The following ST7 variants were observed in gnomAD, a reference collection of about 807,000 sequenced individuals.
ST7 encodes suppression of tumorigenicity 7.
Under a neutral mutation model 78.7 loss-of-function variants are expected in ST7, and 28 were observed. The observed-to-expected ratio is 0.36, with a 90% CI of 0.26 to 0.49. The LOEUF (loss-of-function observed/expected upper bound fraction) is 0.49, where lower values mean the gene tolerates loss of function less well. Among genes scored for constraint, ST7 ranks in the 20% least tolerant of loss-of-function variants. The pLI is 0.99. For missense variants in ST7, 418 were observed against 696.0 expected, an observed-to-expected ratio of 0.60 and a Z score of 4.49; for synonymous variants, 247 against 249.6, an observed-to-expected ratio of 0.99 and a Z score of 0.10.
At chr7:117,145,830 A>C (rs990650971) in intron 9 of ST7, among the ~76,000 whole-genome samples, 1 of 152,208 alleles carries the variant, frequency 6.6e-6, no homozygotes, top group Non-Finnish European at 1.5e-5. Context: ...CTTCACTGCT[A>C]TATCAGGTCA....
intron 1 of ST7, among the ~76,000 whole-genome samples, chr7:117,083,422 A>AT (rs928026303): frequency 6.6e-6 from 1 of 151,706 alleles, no homozygotes; most frequent in African/African-American, 2.4e-5. Context: ...TGCCCAGCTA[A>AT]TTTTTTTGTA....
intron 1 of ST7, among the ~76,000 whole-genome samples, chr7:117,087,932 G>A (rs539668384): frequency 7.2e-5 from 11 of 152,288 alleles, no homozygotes; most frequent in African/African-American, 2.6e-4. Context: ...TACCAGATGT[G>A]TCTGTCTTTG....
At chr7:117,192,952 C>A (rs1441110284) in intron 12 of ST7, among the ~76,000 whole-genome samples, 7 of 152,100 alleles carry the variant, frequency 4.6e-5, no homozygotes, top group Non-Finnish European at 8.8e-5. Context: ...GGGTAAACTA[C>A]CTGGGTAAAC....
intron 1 of ST7, among the ~76,000 whole-genome samples, chr7:117,019,581 T>C (rs1471383166): frequency 6.6e-6 from 1 of 152,218 alleles, no homozygotes; most frequent in African/African-American, 2.4e-5. Context: ...GAAATACATG[T>C]ATGTAAATAT....
intron 10 of ST7, among the ~76,000 whole-genome samples, chr7:117,183,560 C>T (rs1808964750): frequency 1.3e-5 from 2 of 152,224 alleles, no homozygotes; most frequent in South Asian, 2.1e-4. Context: ...AACAGAACTT[C>T]CTGAAATCTT....
At chr7:117,114,382 A>G (rs1288556071) in intron 2 of ST7, among the ~76,000 whole-genome samples, 1 of 152,146 alleles carries the variant, frequency 6.6e-6, no homozygotes, top group Non-Finnish European at 1.5e-5. Flanking sequence ...TTATCTTCTT[A>G]AGCCCAGATA....
intron 10 of ST7, among the ~76,000 whole-genome samples, chr7:117,182,080 G>A (rs1808812389): frequency 6.6e-6 from 1 of 152,136 alleles, no homozygotes; most frequent in South Asian, 2.1e-4. Flanking sequence ...CATTGGTATT[G>A]CCATGGTCAG....
At chr7:117,152,108 G>A (rs1175590249) in intron 9 of ST7, among the ~76,000 whole-genome samples, 8 of 137,408 alleles carry the variant, frequency 5.8e-5, no homozygotes, top group African/African-American at 2.0e-4. Context: ...GACAGAGTGA[G>A]ACACCATCTC....
At chr7:116,977,774 G>C (rs1793770606) in intron 1 of ST7, among the ~76,000 whole-genome samples, 1 of 152,266 alleles carries the variant, frequency 6.6e-6, no homozygotes, top group South Asian at 2.1e-4. Flanking sequence ...GGATGGTCTC[G>C]ATCTCTTGAC....
intron 1 of ST7, among the ~76,000 whole-genome samples, chr7:117,010,949 C>T (rs964716744): frequency 2.0e-5 from 3 of 152,162 alleles, no homozygotes; most frequent in Admixed American, 1.3e-4. Flanking sequence ...GTCTCAGCCC[C>T]TGAGCTGTCC....
chr7:116,973,202 C>G (rs1793522920), intron 1 of ST7, among the ~76,000 whole-genome samples: 1 of 151,948 alleles, frequency 6.6e-6, no homozygotes. Flanking sequence ...CTTTTTAGCA[C>G]TACAAGATGT....
At chr7:117,012,564 G>A (rs980074606) in intron 1 of ST7, among the ~76,000 whole-genome samples, 5 of 152,050 alleles carry the variant, frequency 3.3e-5, no homozygotes, top group African/African-American at 1.2e-4. Flanking sequence ...TACATTCCAA[G>A]CATTGATCTA....
chr7:117,130,651 C>CT, intron 5 of ST7, 45 bp downstream of exon 5: 3 of 1,456,560 alleles, frequency 2.1e-6, no homozygotes, highest in Non-Finnish European at 2.9e-6. Context: ...GGCTTTTTGG[C>CT]TTAAGTGTCA....
At chr7:117,096,677 T>C (rs1236768532) in intron 1 of ST7, among the ~76,000 whole-genome samples, 1 of 152,246 alleles carries the variant, frequency 6.6e-6, no homozygotes, top group Non-Finnish European at 1.5e-5. Context: ...TTTTCTAATC[T>C]GTGAAAATGC....
At chr7:117,011,519 C>G (rs928607771) in intron 1 of ST7, among the ~76,000 whole-genome samples, 1 of 152,170 alleles carries the variant, frequency 6.6e-6, no homozygotes, top group African/African-American at 2.4e-5. Context: ...CAGATACATA[C>G]AGGGGTTCTA....
intron 6 of ST7, among the ~76,000 whole-genome samples, chr7:117,133,242 A>T (rs578258747): frequency 6.6e-6 from 1 of 151,718 alleles, no homozygotes; most frequent in Admixed American, 6.6e-5. Flanking sequence ...TACATTTATC[A>T]TCTCATCTTC....
At chr7:116,961,766 C>CT (rs1278669521) in intron 1 of ST7, among the ~76,000 whole-genome samples, 54 of 140,324 alleles carry the variant, frequency 3.8e-4, no homozygotes, top group Middle Eastern at 7.3e-3. Flanking sequence ...GGTTTTCTTT[C>CT]TTTTTTTTTT....
chr7:117,218,887 T>C (rs947123222), intron 13 of ST7, 197 bp from the exon 14 acceptor site: 5 of 545,850 alleles, frequency 9.2e-6, no homozygotes, highest in African/African-American at 5.8e-5. Context: ...TCAGAATATA[T>C]AGTGTGAGAT....
At chr7:117,000,721 A>G (rs1794899136) in intron 1 of ST7, among the ~76,000 whole-genome samples, 1 of 152,226 alleles carries the variant, frequency 6.6e-6, no homozygotes, top group Non-Finnish European at 1.5e-5. Context: ...CCATGTGGAA[A>G]TGTGGGTGTG....
Sources: allele counts gnomAD v4.1 joint callset (sites outside exome capture counted in the v4.1 genomes callset), GRCh38; gene constraint gnomAD v4.1.1; transcripts MANE v1.5; gene names NCBI Gene and HGNC (gene_info 2026-07-23, HGNC 2026-07-21).